Variants in ZFHX3 observed in about 807,000 individuals in gnomAD.
ZFHX3 encodes the protein zinc finger homeobox protein 3.
Under a neutral mutation model 279.1 loss-of-function variants are expected in ZFHX3, and 42 were observed. That is an observed-to-expected ratio of 0.15 (90% CI 0.12 to 0.19). The LOEUF is 0.19. Among genes scored for constraint, ZFHX3 ranks in the 10% least tolerant of loss-of-function variants. The probability of loss-of-function intolerance (pLI) is 1.00; values close to 1 mark genes in which losing one functional copy is unlikely to be tolerated. For synonymous variants in ZFHX3, 2,293 were observed against 1,957.8 expected, an observed-to-expected ratio of 1.17 and a Z score of -4.52; for missense variants, 4,981 against 4,754.0, an observed-to-expected ratio of 1.05 and a Z score of -1.40.
At chr16:73,117,747 G>C (rs1966449299) in intron 7 of ZFHX3, among the ~76,000 whole-genome samples, 1 of 152,166 alleles carries the variant, frequency 6.6e-6, no homozygotes, top group Non-Finnish European at 1.5e-5. Flanking sequence ...TGAGGCCTTT[G>C]GGAGGTCATT....
intron 5 of ZFHX3, among the ~76,000 whole-genome samples, chr16:73,238,740 G>A (rs2013029576): frequency 1.3e-5 from 2 of 152,038 alleles, no homozygotes; most frequent in African/African-American, 4.8e-5. Flanking sequence ...TCCCTCGCCT[G>A]CTCTCTTCTA....
At chr16:73,504,270 T>C (rs1386627176) in intron 2 of ZFHX3, 1 of 152,184 alleles carries the variant, frequency 6.6e-6, no homozygotes, top group East Asian at 1.9e-4. Flanking sequence ...TGGAGGATGA[T>C]ACACCAAAGA....
chr16:73,650,712 T>G (rs1304861833), intron 2 of ZFHX3, among the ~76,000 whole-genome samples: 2 of 152,048 alleles, frequency 1.3e-5, no homozygotes, highest in Admixed American at 1.3e-4. Context: ...CAACAAAAAT[T>G]AAGGTGACAA....
At chr16:73,802,370 G>A (rs576710057) in intron 1 of ZFHX3, among the ~76,000 whole-genome samples, 1 of 152,320 alleles carries the variant, frequency 6.6e-6, no homozygotes, top group African/African-American at 2.4e-5. Flanking sequence ...TGCTATGGGT[G>A]TTTCCCAGTG....
intron 3 of ZFHX3, among the ~76,000 whole-genome samples, chr16:73,445,314 G>A (rs987272049): frequency 2.0e-5 from 3 of 151,318 alleles, no homozygotes; most frequent in Admixed American, 6.6e-5. Context: ...GTGTGTGTGT[G>A]TATATGTATG....
intron 3 of ZFHX3, among the ~76,000 whole-genome samples, chr16:72,904,476 A>C (rs777198378): frequency 1.3e-5 from 2 of 152,142 alleles, no homozygotes; most frequent in Non-Finnish European, 2.9e-5. Context: ...AAGCTCCACT[A>C]TTCCTCCTGG....
chr16:73,583,754 T>C (rs917599853), intron 2 of ZFHX3, among the ~76,000 whole-genome samples: 1 of 152,058 alleles, frequency 6.6e-6, no homozygotes, highest in African/African-American at 2.4e-5. Flanking sequence ...ATTGACAAAA[T>C]ATAACATAAA....
At chr16:73,543,424 C>A (rs945242042) in intron 2 of ZFHX3, among the ~76,000 whole-genome samples, 5 of 152,184 alleles carry the variant, frequency 3.3e-5, no homozygotes, top group African/African-American at 9.7e-5. Flanking sequence ...CCTGGTCCCC[C>A]CTTTCCTTGT....
chr16:73,066,475 C>T (rs764546884), intron 8 of ZFHX3, among the ~76,000 whole-genome samples: 7 of 152,200 alleles, frequency 4.6e-5, no homozygotes, highest in Non-Finnish European at 1.0e-4. Flanking sequence ...GCCTCGGGCC[C>T]TCCGGCTCCC....
rs1283896183 is a variant in ZFHX3, at chr16:72,920,176, C to G, written c.3217-30214G>C. On this transcript the variant is annotated intron_variant, in intron 3 of 9. Transcript: ENST00000268489. Reference sequence around the variant, plus strand: ...TTAACTAGTCCAACTGAAGAATTTGCCAACTTAAAAAAAAATAACCAAAAT... The same window carrying G: ...TTAACTAGTCCAACTGAAGAATTTGGCAACTTAAAAAAAAATAACCAAAAT... Among the ~76,000 whole-genome samples, 3 of 151,698 alleles carry G rather than the reference C, an allele frequency of 2.0e-5. No homozygotes were observed. The East Asian group carries it at 5.8e-4, about 29-fold the overall frequency.
intron 2 of ZFHX3, among the ~76,000 whole-genome samples, chr16:73,511,565 A>G (rs1373508647): frequency 6.6e-6 from 1 of 152,216 alleles, no homozygotes; most frequent in Non-Finnish European, 1.5e-5. Context: ...ACTTCTGTTA[A>G]CTGTTTTTGA....
chr16:73,180,844 G>A (rs1436653341), intron 5 of ZFHX3, among the ~76,000 whole-genome samples: 1 of 151,936 alleles, frequency 6.6e-6, no homozygotes, highest in East Asian at 1.9e-4. Flanking sequence ...TGCATTTCTA[G>A]TTGAGACAGG....
At chr16:72,915,990 A>G (rs570185268) in intron 3 of ZFHX3, among the ~76,000 whole-genome samples, 5 of 152,340 alleles carry the variant, frequency 3.3e-5, no homozygotes, top group African/African-American at 1.2e-4. Flanking sequence ...GAAAACATAA[A>G]ATAGCATTGA....
intron 2 of ZFHX3, among the ~76,000 whole-genome samples, chr16:73,516,191 G>A (rs997589899): frequency 2.6e-5 from 4 of 152,284 alleles, no homozygotes; most frequent in East Asian, 3.9e-4. Flanking sequence ...TAATCACTGC[G>A]AGAAAAGAGA....
intron 5 of ZFHX3, among the ~76,000 whole-genome samples, chr16:73,181,182 C>A (rs139523324): frequency 1.3e-5 from 2 of 151,914 alleles, no homozygotes; most frequent in African/African-American, 4.8e-5. Context: ...CTCACTGCAA[C>A]CACCGACTCC....
At chr16:72,818,611 T>C (rs1218278582) in intron 5 of ZFHX3, among the ~76,000 whole-genome samples, 3 of 152,202 alleles carry the variant, frequency 2.0e-5, no homozygotes, top group Admixed American at 6.5e-5. Context: ...GAAGGGGATT[T>C]GTGTGAAGCA....
chr16:73,846,907 T>C (rs1961463061), intron 1 of ZFHX3, among the ~76,000 whole-genome samples: 2 of 152,218 alleles, frequency 1.3e-5, no homozygotes, highest in Admixed American at 1.3e-4. Flanking sequence ...AGGCCCTTTT[T>C]TTATTTTAAA....
At chr16:73,653,165 T>C (rs1274453614) in intron 2 of ZFHX3, among the ~76,000 whole-genome samples, 1 of 152,208 alleles carries the variant, frequency 6.6e-6, no homozygotes, top group Admixed American at 6.5e-5. Context: ...TACACTTGTC[T>C]TGCTAATTAT....
intron 2 of ZFHX3, among the ~76,000 whole-genome samples, chr16:73,591,993 AG>A (rs2052004461): frequency 6.6e-6 from 1 of 151,988 alleles, no homozygotes; most frequent in Non-Finnish European, 1.5e-5. Flanking sequence ...GCACTTTAGG[AG>A]GCTGAGGTGG....
Sources: allele counts gnomAD v4.1 joint callset (sites outside exome capture counted in the v4.1 genomes callset), GRCh38; gene constraint gnomAD v4.1.1; transcripts MANE v1.5; gene names NCBI Gene and HGNC (gene_info 2026-07-23, HGNC 2026-07-21).